Variants in AKAP6 observed in about 807,000 individuals in gnomAD.
AKAP6 encodes the protein A-kinase anchor protein 6.
Under a neutral mutation model 188.5 loss-of-function variants are expected in AKAP6, and 58 were observed. The observed-to-expected ratio is 0.31, with a 90% CI of 0.25 to 0.38. The LOEUF (loss-of-function observed/expected upper bound fraction) is 0.38, where lower values mean the gene tolerates loss of function less well. Among genes scored for constraint, AKAP6 ranks in the 10% least tolerant of loss-of-function variants. AKAP6 has a pLI of 1.00. For missense variants in AKAP6, 2,710 were observed against 2,740.0 expected, an observed-to-expected ratio of 0.99 and a Z score of 0.24; for synonymous variants, 989 against 998.6, an observed-to-expected ratio of 0.99 and a Z score of 0.18.
rs1169750343 is a variant in AKAP6 at position 32,832,949 on chromosome 14, C to G, written c.*3144C>G. On this transcript the variant is annotated 3_prime_UTR_variant, in exon 14 of 14. Transcript: ENST00000280979. ...CACATTAAGGAACTGTCTTCATCATCATACATGTAGAAAAGAATCTGAACA... is the reference window on the plus strand; with the variant it reads ...CACATTAAGGAACTGTCTTCATCATGATACATGTAGAAAAGAATCTGAACA... 1 of 152,652 alleles carries G rather than the reference C, an allele frequency of 6.6e-6. No homozygotes were observed. The highest frequency in any genetic ancestry group is 6.5e-5 in the Admixed American group (1 of 15,286). 9.5% of individuals were successfully genotyped at this position (152,652 alleles called of 1,614,324 possible).
intron 1 of AKAP6, among the ~76,000 whole-genome samples, chr14:32,389,089 A>G (rs1420900330): frequency 6.6e-6 from 1 of 152,046 alleles, no homozygotes; most frequent in African/African-American, 2.4e-5. Flanking sequence ...TTATCATCAT[A>G]TAATGTCCCT....
At chr14:32,422,563 A>G (rs1284520071) in intron 1 of AKAP6, among the ~76,000 whole-genome samples, 3 of 152,168 alleles carry the variant, frequency 2.0e-5, no homozygotes, top group Admixed American at 6.5e-5. Context: ...CTAAGCTTCA[A>G]TGTCCATAGT....
intron 1 of AKAP6, among the ~76,000 whole-genome samples, chr14:32,391,681 T>C (rs113854504): frequency 6.6e-6 from 1 of 152,160 alleles, no homozygotes; most frequent in African/African-American, 2.4e-5. Context: ...GTGTGGAACC[T>C]CTAACCCCAC....
At chr14:32,633,796 A>G (rs2139462237) in intron 7 of AKAP6, among the ~76,000 whole-genome samples, 1 of 152,188 alleles carries the variant, frequency 6.6e-6, no homozygotes, top group East Asian at 1.9e-4. Context: ...AAGCCTACCA[A>G]ATACAATAAC....
intron 2 of AKAP6, among the ~76,000 whole-genome samples, chr14:32,532,680 C>T (rs1024141949): frequency 2.6e-5 from 4 of 152,036 alleles, no homozygotes; most frequent in African/African-American, 9.7e-5. Flanking sequence ...AAAGGTTACC[C>T]AAGTGTTTTT....
intron 1 of AKAP6, among the ~76,000 whole-genome samples, chr14:32,376,252 A>G (rs1423198664): frequency 6.6e-6 from 1 of 152,248 alleles, no homozygotes; most frequent in Non-Finnish European, 1.5e-5. Flanking sequence ...GAAAATCTAT[A>G]AACTTCCCCT....
intron 1 of AKAP6, among the ~76,000 whole-genome samples, chr14:32,331,549 A>T: frequency 6.6e-6 from 1 of 152,234 alleles, no homozygotes; most frequent in East Asian, 1.9e-4. Flanking sequence ...CCTGGTAATG[A>T]GAGCTATCAT....
intron 12 of AKAP6, among the ~76,000 whole-genome samples, chr14:32,774,744 G>GCATACATACATACATA (rs72019648): frequency 6.6e-6 from 1 of 151,416 alleles, no homozygotes; most frequent in Admixed American, 6.6e-5. Context: ...TAAATGGAAT[G>GCATACATACATACATA]CATACATACA....
intron 4 of AKAP6, among the ~76,000 whole-genome samples, chr14:32,566,186 G>A (rs1202700315): frequency 6.6e-6 from 1 of 152,032 alleles, no homozygotes; most frequent in Non-Finnish European, 1.5e-5. Flanking sequence ...TCCATAACAC[G>A]TGATATTGTA....
At chr14:32,699,600 T>C (rs1375339932) in intron 9 of AKAP6, among the ~76,000 whole-genome samples, 2 of 152,216 alleles carry the variant, frequency 1.3e-5, no homozygotes, top group Non-Finnish European at 2.9e-5. Flanking sequence ...TTCTTTGTTT[T>C]GAGACAGTGA....
At chr14:32,387,257 T>C (rs1888562236) in intron 1 of AKAP6, among the ~76,000 whole-genome samples, 1 of 152,108 alleles carries the variant, frequency 6.6e-6, no homozygotes, top group African/African-American at 2.4e-5. Flanking sequence ...TCTGACTTCC[T>C]CTTTACCAAC....
chr14:32,361,649 G>A (rs1170868940), intron 1 of AKAP6, among the ~76,000 whole-genome samples: 4 of 152,188 alleles, frequency 2.6e-5, no homozygotes, highest in African/African-American at 9.7e-5. Flanking sequence ...CTGCAGTTAT[G>A]ATTAGGATTG....
intron 6 of AKAP6, 36 bp from the exon 7 acceptor site, chr14:32,600,593 G>A (rs1312012828): frequency 1.3e-6 from 2 of 1,564,400 alleles, no homozygotes; most frequent in Non-Finnish European, 1.7e-6. Flanking sequence ...ATTCATTCAG[G>A]CCCACAACTT....
chr14:32,406,075 C>G (rs1889282448), intron 1 of AKAP6, among the ~76,000 whole-genome samples: 3 of 152,168 alleles, frequency 2.0e-5, no homozygotes. Context: ...GCTCCTGCAG[C>G]AAACTTGAAT....
At chr14:32,513,755 T>C (rs1881373459) in intron 2 of AKAP6, among the ~76,000 whole-genome samples, 1 of 152,206 alleles carries the variant, frequency 6.6e-6, no homozygotes, top group Non-Finnish European at 1.5e-5. Flanking sequence ...AAAAATCATT[T>C]GTAATGCTGC....
At chr14:32,586,976 A>T (rs1311828054) in intron 5 of AKAP6, among the ~76,000 whole-genome samples, 1 of 152,134 alleles carries the variant, frequency 6.6e-6, no homozygotes, top group Non-Finnish European at 1.5e-5. Flanking sequence ...CTTGATAGAG[A>T]TTTTACCAGT....
intron 1 of AKAP6, among the ~76,000 whole-genome samples, chr14:32,374,321 A>G (rs1466286124): frequency 3.3e-5 from 5 of 152,242 alleles, no homozygotes; most frequent in African/African-American, 1.2e-4. Context: ...ATGAATATCA[A>G]TCAGTTAACT....
chr14:32,438,025 C>G (rs1443643858), intron 2 of AKAP6, among the ~76,000 whole-genome samples: 3 of 152,174 alleles, frequency 2.0e-5, no homozygotes, highest in African/African-American at 7.2e-5. Flanking sequence ...ACTTAGGACT[C>G]AATTCACACC....
intron 4 of AKAP6, among the ~76,000 whole-genome samples, chr14:32,573,414 G>C (rs1043073238): frequency 6.6e-6 from 1 of 152,150 alleles, no homozygotes; most frequent in African/African-American, 2.4e-5. Context: ...CCAATACTAA[G>C]AGTGAGAACA....
Sources: allele counts gnomAD v4.1 joint callset (sites outside exome capture counted in the v4.1 genomes callset), GRCh38; gene constraint gnomAD v4.1.1; transcripts MANE v1.5; gene names NCBI Gene and HGNC (gene_info 2026-07-23, HGNC 2026-07-21).